EPHA6: variants seen among roughly 807,000 people sequenced by gnomAD.
EPHA6 encodes EPH receptor A6.
A neutral mutation model predicts 112.0 loss-of-function variants in EPHA6; 50 were observed. The ratio of observed to expected loss-of-function variants is 0.45; its 90% CI spans 0.36 to 0.56. The LOEUF (loss-of-function observed/expected upper bound fraction) is 0.56. Among genes scored for constraint, EPHA6 ranks in the 20% least tolerant of loss-of-function variants. The pLI is 0.00. For synonymous variants in EPHA6, 529 were observed against 490.7 expected, an observed-to-expected ratio of 1.08 and a Z score of -1.03; for missense variants, 1,280 against 1,417.4, an observed-to-expected ratio of 0.90 and a Z score of 1.56.
At chr3:97,059,632 G>T (rs569774379) in intron 3 of EPHA6, among the ~76,000 whole-genome samples, 69 of 150,830 alleles carry the variant, frequency 4.6e-4, no homozygotes, top group African/African-American at 1.6e-3. Flanking sequence ...CAATTTTGTT[G>T]TTGTGAATTT....
intron 13 of EPHA6, among the ~76,000 whole-genome samples, chr3:97,617,265 C>T (rs914713887): frequency 2.6e-5 from 4 of 152,084 alleles, no homozygotes; most frequent in Non-Finnish European, 5.9e-5. Context: ...CTTATAAGAG[C>T]TCCTGAAGGA....
At chr3:97,269,673 G>C (rs887934907) in intron 5 of EPHA6, among the ~76,000 whole-genome samples, 4 of 152,146 alleles carry the variant, frequency 2.6e-5, no homozygotes, top group Admixed American at 2.6e-4. Flanking sequence ...TATGTCCTGA[G>C]CATCAGAATT....
At chr3:97,411,083 C>A (rs1450024164) in intron 6 of EPHA6, among the ~76,000 whole-genome samples, 3 of 150,830 alleles carry the variant, frequency 2.0e-5, no homozygotes, top group Non-Finnish European at 4.4e-5. Context: ...GTTGCAGTGT[C>A]CACCACAGAG....
chr3:97,199,735 C>T (rs2077531744), intron 3 of EPHA6, among the ~76,000 whole-genome samples: 2 of 152,022 alleles, frequency 1.3e-5, no homozygotes, highest in African/African-American at 4.8e-5. Flanking sequence ...TATCTCCTTC[C>T]AGAAAAAACA....
At chr3:97,627,841 G>A (rs2093871500) in intron 13 of EPHA6, among the ~76,000 whole-genome samples, 1 of 151,894 alleles carries the variant, frequency 6.6e-6, no homozygotes, top group African/African-American at 2.4e-5. Flanking sequence ...AAAATCTCAA[G>A]TTCCAGGCTT....
intron 14 of EPHA6, among the ~76,000 whole-genome samples, chr3:97,692,296 T>C (rs2032721837): frequency 6.6e-6 from 1 of 152,204 alleles, no homozygotes; most frequent in Non-Finnish European, 1.5e-5. Flanking sequence ...TTAATTCCTC[T>C]AATCTTATGT....
chr3:97,612,326 C>A, intron 13 of EPHA6: 1 of 373,360 alleles, frequency 2.7e-6, no homozygotes, highest in Non-Finnish European at 5.3e-6. Flanking sequence ...TCTAATGATG[C>A]TTGGGTTAGG....
chr3:96,884,657 A>C (rs1395267793), intron 2 of EPHA6, among the ~76,000 whole-genome samples: 2 of 152,064 alleles, frequency 1.3e-5, no homozygotes, highest in Non-Finnish European at 2.9e-5. Flanking sequence ...AAACGATCAT[A>C]TTGTCAGCAA....
chr3:97,368,119 G>A (rs986707587), intron 5 of EPHA6, among the ~76,000 whole-genome samples: 9 of 152,102 alleles, frequency 5.9e-5, no homozygotes, highest in African/African-American at 2.2e-4. Flanking sequence ...AATATTGCAA[G>A]CCTTTCCCTA....
intron 1 of EPHA6, among the ~76,000 whole-genome samples, chr3:96,862,840 G>C (rs1377956779): frequency 6.6e-6 from 1 of 151,776 alleles, no homozygotes; most frequent in African/African-American, 2.4e-5. Context: ...TTAAATTTGT[G>C]TTTATCATTT....
intron 5 of EPHA6, among the ~76,000 whole-genome samples, chr3:97,364,477 G>A (rs2084595438): frequency 6.6e-6 from 1 of 151,590 alleles, no homozygotes; most frequent in Admixed American, 6.6e-5. Context: ...TATTCTTTAT[G>A]TAACACAGTT....
chr3:97,009,501 G>A (rs1438147666), intron 3 of EPHA6, among the ~76,000 whole-genome samples: 2 of 152,226 alleles, frequency 1.3e-5, no homozygotes, highest in African/African-American at 4.8e-5. Context: ...ATAGAAATGG[G>A]TGCTGCCCTT....
intron 1 of EPHA6, among the ~76,000 whole-genome samples, chr3:96,865,242 T>C (rs2036237867): frequency 6.6e-6 from 1 of 152,100 alleles, no homozygotes; most frequent in South Asian, 2.1e-4. Context: ...AACCCAGGAA[T>C]TTAAGGATAC....
chr3:97,213,746 A>G (rs1465682675), intron 3 of EPHA6, among the ~76,000 whole-genome samples: 1 of 152,242 alleles, frequency 6.6e-6, no homozygotes, highest in Admixed American at 6.5e-5. Context: ...TATTCTTCCT[A>G]GATTTTACAG....
chr3:97,627,539 C>A (rs557928882), intron 13 of EPHA6, among the ~76,000 whole-genome samples: 1 of 151,942 alleles, frequency 6.6e-6, no homozygotes, highest in African/African-American at 2.4e-5. Context: ...TTTATTTCTA[C>A]AGAATGGCAA....
At chr3:97,674,978 A>G (rs1576262141) in intron 14 of EPHA6, among the ~76,000 whole-genome samples, 1 of 152,306 alleles carries the variant, frequency 6.6e-6, no homozygotes, top group East Asian at 1.9e-4. Context: ...CAAGACACAC[A>G]GCCTTAGGGG....
chr3:97,150,917 A>C (rs2076156355), intron 3 of EPHA6, among the ~76,000 whole-genome samples: 1 of 152,106 alleles, frequency 6.6e-6, no homozygotes, highest in Non-Finnish European at 1.5e-5. Flanking sequence ...TTAAAGTTTA[A>C]ACTTTAATTA....
chr3:97,298,658 T>TA (rs528719079), intron 5 of EPHA6, among the ~76,000 whole-genome samples: 7 of 151,896 alleles, frequency 4.6e-5, no homozygotes, highest in South Asian at 2.1e-4. Flanking sequence ...CTGTTAATCC[T>TA]AAAAAAAAGA....
intron 11 of EPHA6, among the ~76,000 whole-genome samples, chr3:97,566,132 G>A (rs145609389): frequency 2.3e-3 from 345 of 152,150 alleles, no homozygotes; most frequent in African/African-American, 7.6e-3. Context: ...ACTTACAATC[G>A]TGGTGGAAGG....
Sources: allele counts gnomAD v4.1 joint callset (sites outside exome capture counted in the v4.1 genomes callset), GRCh38; gene constraint gnomAD v4.1.1; transcripts MANE v1.5; gene names NCBI Gene and HGNC (gene_info 2026-07-23, HGNC 2026-07-21).